Variants in CPAMD8 observed in about 807,000 individuals in gnomAD.
CPAMD8 encodes the protein C3 and PZP-like alpha-2-macroglobulin domain-containing protein 8.
Under a neutral mutation model 224.7 loss-of-function variants are expected in CPAMD8, and 146 were observed. The ratio of observed to expected loss-of-function variants is 0.65; its 90% CI spans 0.57 to 0.75. The LOEUF (loss-of-function observed/expected upper bound fraction) is 0.75, where lower values mean the gene tolerates loss of function less well. Among genes scored for constraint, CPAMD8 ranks in the 30% least tolerant of loss-of-function variants. The pLI is 0.00. For synonymous variants in CPAMD8, 966 were observed against 1,044.6 expected (o/e 0.92, Z 1.45); for missense variants, 2,301 against 2,537.5 (o/e 0.91, Z 2.00).
At chr19:16,901,531 C>T (rs2052257852) in intron 35 of CPAMD8, among the ~76,000 whole-genome samples, 1 of 152,174 alleles carries the variant, frequency 6.6e-6, no homozygotes, top group South Asian at 2.1e-4. Context: ...CTAGGCCTGA[C>T]CAGGTCTCTT....
At chr19:16,943,935 C>G (rs1296447284) in intron 22 of CPAMD8, among the ~76,000 whole-genome samples, 1 of 152,178 alleles carries the variant, frequency 6.6e-6, no homozygotes, top group Non-Finnish European at 1.5e-5. Flanking sequence ...TGGAATTTCA[C>G]TGAAGTGAAA....
rs1381828726 is a variant in CPAMD8, at chr19:16,971,047, A to G, written c.2071-14T>C. 1.9e-6 allele frequency: 3 copies of G among 1,589,724 alleles called. No individual in the cohort carries two copies. Among genetic ancestry groups the G allele is most frequent in the Non-Finnish European group, 1.7e-6 (2 of 1,167,188 alleles). On this transcript the variant is annotated splice_polypyrimidine_tract_variant and intron_variant, in intron 17 of 41. Transcript: ENST00000443236. ...CAGTCCCGTTTCCTAGGCAACAGAC[A>G]ACACCCAAACCATTGGTGGGGAAGT... is the stretch of plus-strand genomic sequence containing the variant.
In CPAMD8 at chr19:16,989,759, C is replaced by T. The variant is rs757302875; in HGVS notation, c.1279G>A (p.Ala427Thr). 1.9e-6 allele frequency: 3 copies of T among 1,613,934 alleles called. No homozygotes were observed. The highest frequency in any genetic ancestry group is 3.3e-5 in the Admixed American group (2 of 59,996). Residue 427 changes from alanine (A) to threonine (T), a missense_variant, in exon 13 of 42, where the codon GCA becomes ACA. By Grantham distance (58) the Ala-to-Thr change is moderately conservative (BLOSUM62 0). Transcript: ENST00000443236. ...GCCCCCACAGGCTTCCCGTTCAGTGCCATCACCTTGGTCTGAGAAGAGAAG... is the reference window on the plus strand; with the variant it reads ...GCCCCCACAGGCTTCCCGTTCAGTGTCATCACCTTGGTCTGAGAAGAGAAG... ...QHVWLETKVM[A>T]LNGKPVGAQY...
chr19:17,019,147 G>A (rs959189535), intron 3 of CPAMD8, among the ~76,000 whole-genome samples: 6 of 152,028 alleles, frequency 3.9e-5, no homozygotes, highest in Admixed American at 6.6e-5. Context: ...TTTTTGAGAC[G>A]GAGTTTCACT....
At chr19:17,008,478 C>T in intron 7 of CPAMD8, 27 bp downstream of exon 7, 2 of 1,611,830 alleles carry the variant, frequency 1.2e-6, no homozygotes, top group Non-Finnish European at 1.7e-6. Flanking sequence ...CATCTGCAGC[C>T]CCCAAGCCGC....
At chr19:16,922,874 A>G (rs972162007) in intron 26 of CPAMD8, among the ~76,000 whole-genome samples, 1 of 152,158 alleles carries the variant, frequency 6.6e-6, no homozygotes, top group Non-Finnish European at 1.5e-5. Context: ...ACTGCCCCAC[A>G]CTACATCTAG....
Position 16,897,689 on chromosome 19 carries a change from A to T in CPAMD8, c.5065+2T>A. 6.6e-7 allele frequency: 1 copy of T among 1,504,970 alleles called. No individual in the cohort carries two copies. The highest frequency in any genetic ancestry group is 8.9e-7 in the Non-Finnish European group (1 of 1,118,016). The allele number at this position is 1,504,970 out of a possible 1,614,324, so 93.2% of individuals were successfully genotyped here. A position where few individuals can be genotyped will look rare whatever the true frequency, so the allele number is the denominator to read the frequency against. ...GGGGCGGCAGTGGCTCCGCGCACTCACCCGGGCCCCGGGCAGGGGCGCGCT... is the reference window on the plus strand; with the variant it reads ...GGGGCGGCAGTGGCTCCGCGCACTCTCCCGGGCCCCGGGCAGGGGCGCGCT... On this transcript the variant is annotated splice_donor_variant, in intron 39 of 41. Coordinates refer to ENST00000443236, the MANE Select transcript of CPAMD8 (RefSeq NM_015692.5). LOFTEE classifies it high-confidence loss of function.
chr19:16,922,094 C>T (rs969462780), intron 26 of CPAMD8, 108 bp from the exon 27 acceptor site: 4 of 697,480 alleles, frequency 5.7e-6, no homozygotes, highest in Non-Finnish European at 9.7e-6. Flanking sequence ...TCCGAAGCCA[C>T]ACCACATGTG....
rs1163411230 is a variant in CPAMD8 at position 17,002,297 on chromosome 19, C to A, written c.727G>T (p.Asp243Tyr). ...IDPPRYIQDL[D>Y]ACETGTVRAR... ...CGCACAGTGCCTGTCTCACAGGCGT[C>A]CAGGTCTTGGATATACCGGGGCGGG... Residue 243 changes from aspartate to tyrosine, a missense_variant, in exon 9 of 42, where the codon GAC (aspartate) becomes TAC (tyrosine). By Grantham distance (160) the Asp-to-Tyr change is radical. Coordinates refer to ENST00000443236, the MANE Select transcript of CPAMD8 (RefSeq NM_015692.5). 2 of 1,604,742 alleles carry A rather than the reference C, an allele frequency of 1.2e-6. No individual in the cohort carries two copies. The highest frequency in any genetic ancestry group is 1.7e-6 in the Non-Finnish European group (2 of 1,174,698).
At chr19:16,965,215 G>T (rs1454641113) in intron 18 of CPAMD8, among the ~76,000 whole-genome samples, 25 of 151,650 alleles carry the variant, frequency 1.6e-4, no homozygotes, top group Admixed American at 1.6e-3. Flanking sequence ...AGCCGATATC[G>T]CACCACTGCA....
At position 16,933,252 on chromosome 19, in the gene CPAMD8, A is replaced by G. The variant is rs1452927477; in HGVS notation, c.2846-4012T>C. Among the ~76,000 whole-genome samples, 3 of 139,986 alleles carry G rather than the reference A, an allele frequency of 2.1e-5. 1 individual carries two copies. Among genetic ancestry groups the G allele is most frequent in the South Asian group, 4.5e-4 (2 of 4,434 alleles). 91.8% of individuals were successfully genotyped at this position (139,986 alleles called of 152,430 possible). On this transcript the variant is annotated intron_variant, in intron 23 of 41. Transcript: ENST00000443236. ...AAACTTAAAACTACAAAATTTTGAG[A>G]AAAAAAAAACAGGGTTTAGCAAAGA... is the stretch of plus-strand genomic sequence containing the variant.
chr19:16,923,041 T>A (rs2053233915), intron 26 of CPAMD8, among the ~76,000 whole-genome samples: 1 of 151,994 alleles, frequency 6.6e-6, no homozygotes, highest in African/African-American at 2.4e-5. Context: ...TCCCCAGGCG[T>A]GGGGGCTGCT....
rs1044989074 is a variant in CPAMD8, at chr19:16,987,424, A to G, written c.1395+2219T>C. Reference sequence around the variant, plus strand: ...CTACTGAACGTGAAGATGACAAGGAAGAAGACCTTTACAATGATCCATTCC... The same window carrying G: ...CTACTGAACGTGAAGATGACAAGGAGGAAGACCTTTACAATGATCCATTCC... On this transcript the variant is annotated intron_variant, in intron 13 of 41. Transcript: ENST00000443236. 5.3e-5 allele frequency among the ~76,000 whole-genome samples: 8 copies of G among 151,806 alleles called. No individual in the cohort carries two copies. In the East Asian group the frequency reaches 1.2e-3, roughly 22 times the overall value.
At chr19:17,010,502 G>A (rs912362843) in intron 5 of CPAMD8, among the ~76,000 whole-genome samples, 2 of 152,064 alleles carry the variant, frequency 1.3e-5, no homozygotes, top group Non-Finnish European at 1.5e-5. Flanking sequence ...GCCTCCCGAA[G>A]TGCTGGGATT....
At chr19:16,894,900 A>G (rs946979539) in intron 41 of CPAMD8, 10 of 210,916 alleles carry the variant, frequency 4.7e-5, no homozygotes, top group Admixed American at 3.6e-4. Context: ...CTTGGGCAAC[A>G]TACAGAGACC....
intron 20 of CPAMD8, among the ~76,000 whole-genome samples, chr19:16,948,994 AAG>A (rs1268720758): frequency 2.2e-5 from 3 of 139,016 alleles, no homozygotes; most frequent in South Asian, 2.6e-4. Flanking sequence ...AAAAGAAAGA[AAG>A]AGAGAGAAAA....
At chr19:16,963,310 G>C (rs2054716101) in intron 18 of CPAMD8, among the ~76,000 whole-genome samples, 1 of 152,150 alleles carries the variant, frequency 6.6e-6, no homozygotes, top group South Asian at 2.1e-4. Context: ...CTCATGTGCA[G>C]AGACACACAT....
intron 11 of CPAMD8, among the ~76,000 whole-genome samples, chr19:16,995,896 T>C (rs947144166): frequency 2.0e-4 from 31 of 152,278 alleles, no homozygotes; most frequent in African/African-American, 6.3e-4. Context: ...CTGTTTGCAA[T>C]CTCAGCACTC....
At chr19:16,914,627 C>T (rs1210091514) in intron 28 of CPAMD8, 30 bp downstream of exon 28, 39 of 1,613,462 alleles carry the variant, frequency 2.4e-5, no homozygotes, top group Non-Finnish European at 3.1e-5. Context: ...AGGTGAGGGG[C>T]CCGGGAAGGA....
Sources: allele counts gnomAD v4.1 joint callset (sites outside exome capture counted in the v4.1 genomes callset), GRCh38; gene constraint gnomAD v4.1.1; transcripts MANE v1.5; gene names NCBI Gene and HGNC (gene_info 2026-07-23, HGNC 2026-07-21).